The following MECOM variants were observed in gnomAD, a reference collection of about 807,000 sequenced individuals.
MECOM encodes the protein MDS1 and EVI1 complex locus.
In MECOM, 13 loss-of-function variants were observed where a neutral mutation model predicts 116.3. The observed-to-expected ratio is 0.11, with a 90% confidence interval of 0.07 to 0.18. The LOEUF (loss-of-function observed/expected upper bound fraction) is 0.18, where lower values mean the gene tolerates loss of function less well. Among genes scored for constraint, MECOM ranks in the 10% least tolerant of loss-of-function variants. The pLI, the probability that MECOM is intolerant of heterozygous loss-of-function variation, is 1.00. For missense variants in MECOM, 1,299 were observed against 1,509.0 expected (o/e 0.86, Z 2.31); for synonymous variants, 528 against 535.2 (o/e 0.99, Z 0.19).
At chr3:169,597,580 GT>G (rs771765580) in intron 1 of MECOM, among the ~76,000 whole-genome samples, 2 of 152,148 alleles carry the variant, frequency 1.3e-5, no homozygotes, top group Admixed American at 1.3e-4. Context: ...ATCATGTTGG[GT>G]TTTTTTCTTT....
intron 2 of MECOM, among the ~76,000 whole-genome samples, chr3:169,164,464 AAC>A (rs1475873942): frequency 1.3e-5 from 2 of 152,270 alleles, no homozygotes; most frequent in South Asian, 2.1e-4. Context: ...CGACTAATAC[AAC>A]AGTCTTTTAG....
intron 2 of MECOM, among the ~76,000 whole-genome samples, chr3:169,308,542 T>C (rs1229447899): frequency 6.6e-6 from 1 of 152,220 alleles, no homozygotes; most frequent in Non-Finnish European, 1.5e-5. Context: ...GAATTACATA[T>C]TTTGATGTGA....
At chr3:169,090,559 A>G (rs1347924462) in intron 14 of MECOM, among the ~76,000 whole-genome samples, 5 of 152,100 alleles carry the variant, frequency 3.3e-5, no homozygotes, top group Non-Finnish European at 1.5e-5. Context: ...AAAGGCACAT[A>G]AGTATGTTCT....
chr3:169,181,190 C>T (rs1320583260), intron 2 of MECOM, among the ~76,000 whole-genome samples: 1 of 152,094 alleles, frequency 6.6e-6, no homozygotes, highest in Non-Finnish European at 1.5e-5. Context: ...AGTTTGGCTC[C>T]AGATTTGAAT....
At chr3:169,320,147 G>T (rs781224002) in intron 2 of MECOM, among the ~76,000 whole-genome samples, 2 of 152,090 alleles carry the variant, frequency 1.3e-5, no homozygotes, top group Non-Finnish European at 2.9e-5. Context: ...TAAGGGATTG[G>T]ATGCGGATTT....
intron 1 of MECOM, among the ~76,000 whole-genome samples, chr3:169,577,136 CAT>C (rs935466023): frequency 1.3e-5 from 2 of 152,146 alleles, no homozygotes; most frequent in Non-Finnish European, 2.9e-5. Flanking sequence ...TGTTTCCTCA[CAT>C]GTTAAAAAGA....
At chr3:169,110,487 T>A (rs1726990966) in intron 9 of MECOM, among the ~76,000 whole-genome samples, 2 of 152,118 alleles carry the variant, frequency 1.3e-5, no homozygotes, top group Admixed American at 1.3e-4. Flanking sequence ...GTATCCCAGC[T>A]ATATATAGCA....
At chr3:169,366,761 A>G (rs1042000118) in intron 2 of MECOM, among the ~76,000 whole-genome samples, 1 of 152,058 alleles carries the variant, frequency 6.6e-6, no homozygotes, top group Non-Finnish European at 1.5e-5. Flanking sequence ...TTTCATTGCC[A>G]TGCCATGCAC....
chr3:169,093,297 T>A (rs552491382), intron 13 of MECOM, among the ~76,000 whole-genome samples, 195 bp from the exon 14 acceptor site: 1 of 152,292 alleles, frequency 6.6e-6, no homozygotes, highest in South Asian at 2.1e-4. Context: ...CCTTTGGGAA[T>A]ATATTGAACC....
At chr3:169,112,917 A>C in intron 8 of MECOM, 43 bp from the exon 9 acceptor site, 1 of 1,363,554 alleles carries the variant, frequency 7.3e-7, no homozygotes, top group South Asian at 1.2e-5. Flanking sequence ...GCAGTCTCAC[A>C]TATCAATCAC....
chr3:169,558,987 T>C (rs16854083), intron 1 of MECOM, among the ~76,000 whole-genome samples: 33,512 of 151,888 alleles, frequency 0.22, 4,706 homozygotes, highest in East Asian at 0.7. Flanking sequence ...TTACTGATAT[T>C]CTACAATCCT....
chr3:169,441,568 A>C (rs976743577), intron 1 of MECOM, among the ~76,000 whole-genome samples: 1 of 152,092 alleles, frequency 6.6e-6, no homozygotes, highest in Admixed American at 6.6e-5. Context: ...AACATCTCAA[A>C]TCTCAGATAA....
chr3:169,377,855 A>G (rs997037966), intron 2 of MECOM, among the ~76,000 whole-genome samples: 1 of 152,188 alleles, frequency 6.6e-6, no homozygotes, highest in Non-Finnish European at 1.5e-5. Flanking sequence ...TCATTCTGCT[A>G]TAAAGACACA....
At chr3:169,423,814 A>G (rs1054394059) in intron 1 of MECOM, among the ~76,000 whole-genome samples, 17 of 152,118 alleles carry the variant, frequency 1.1e-4, no homozygotes, top group Admixed American at 9.8e-4. Context: ...GCCCCATTTA[A>G]GCTGCCTCCG....
chr3:169,426,603 C>T (rs910447131), intron 1 of MECOM, among the ~76,000 whole-genome samples: 3 of 152,152 alleles, frequency 2.0e-5, no homozygotes, highest in Non-Finnish European at 4.4e-5. Flanking sequence ...GATTTAAAGT[C>T]AATGAATAGT....
intron 9 of MECOM, among the ~76,000 whole-genome samples, chr3:169,109,775 T>A (rs958244104): frequency 6.6e-6 from 1 of 152,194 alleles, no homozygotes; most frequent in African/African-American, 2.4e-5. Context: ...CGCAATAATA[T>A]AGCCTAATAA....
chr3:169,343,122 C>CT (rs1258687671), intron 2 of MECOM, among the ~76,000 whole-genome samples: 1 of 152,070 alleles, frequency 6.6e-6, no homozygotes, highest in Non-Finnish European at 1.5e-5. Flanking sequence ...GTTCTGTAAC[C>CT]TTTTCTCAGA....
At chr3:169,469,877 A>G (rs1231229861) in intron 1 of MECOM, among the ~76,000 whole-genome samples, 1 of 152,242 alleles carries the variant, frequency 6.6e-6, no homozygotes, top group Non-Finnish European at 1.5e-5. Context: ...GATGGTACCC[A>G]ATCAAGTCAC....
chr3:169,166,606 A>G lies in MECOM; in HGVS notation c.376-22774T>C, dbSNP rs6769846. 6.7e-3 allele frequency among the ~76,000 whole-genome samples: 1,016 copies of G among 152,234 alleles called. 12 individuals are homozygous for G. The highest frequency in any genetic ancestry group is 0.023 in the African/African-American group (951 of 41,560). On this transcript the variant is annotated intron_variant, in intron 2 of 16. Transcript: ENST00000651503. The stretch of plus-strand genomic sequence containing the variant: ...AAAACCAAAAATAATCCATGTAAAA[A>G]CAGAGACAGAATATTGTTATTTACT...
Sources: gnomAD v4.1 joint callset for allele counts (sites outside exome capture counted in the v4.1 genomes callset) on GRCh38, gnomAD v4.1.1 for gene constraint, MANE v1.5 for transcripts, NCBI Gene and HGNC (gene_info 2026-07-23, HGNC 2026-07-21) for gene names.